Variants in IRAK2 observed in about 807,000 individuals in gnomAD.
The protein encoded by IRAK2 is interleukin-1 receptor-associated kinase-like 2.
A neutral mutation model predicts 72.0 loss-of-function variants in IRAK2; 57 were observed. The observed-to-expected ratio is 0.79, with a 90% CI of 0.64 to 0.99. IRAK2 has a LOEUF of 0.99. Ranked by LOEUF, IRAK2 falls within the 50% of genes least tolerant of loss-of-function variation. The probability of loss-of-function intolerance (pLI) is 0.00; values close to 1 mark genes in which losing one functional copy is unlikely to be tolerated. For missense variants in IRAK2, 790 were observed against 794.4 expected (o/e 0.99, Z 0.07); for synonymous variants, 293 against 312.7 (o/e 0.94, Z 0.67).
At chr3:10,208,082 G>A (rs1010154722) in intron 3 of IRAK2, among the ~76,000 whole-genome samples, 1 of 151,384 alleles carries the variant, frequency 6.6e-6, no homozygotes, top group African/African-American at 2.4e-5. Context: ...TAATGAGGCC[G>A]TCTGGTAGGG....
intron 2 of IRAK2, among the ~76,000 whole-genome samples, chr3:10,197,418 A>T (rs1196920861): frequency 2.6e-5 from 4 of 151,794 alleles, no homozygotes; most frequent in African/African-American, 9.7e-5. Context: ...AAAGAAAACT[A>T]AAAGACTCTC....
At chr3:10,184,983 G>C (rs1425554727) in intron 2 of IRAK2, among the ~76,000 whole-genome samples, 5 of 150,436 alleles carry the variant, frequency 3.3e-5, no homozygotes, top group Non-Finnish European at 1.5e-5. Flanking sequence ...CGCCCGCCTT[G>C]GCCTCCCAAA....
chr3:10,195,778 T>A (rs1697253468), intron 2 of IRAK2, among the ~76,000 whole-genome samples: 1 of 152,070 alleles, frequency 6.6e-6, no homozygotes, highest in South Asian at 2.1e-4. Context: ...TGTTGGGAAG[T>A]GACTTCAGCG....
intron 2 of IRAK2, among the ~76,000 whole-genome samples, chr3:10,194,948 GC>G: frequency 6.6e-6 from 1 of 152,236 alleles, no homozygotes; most frequent in Admixed American, 6.5e-5. Flanking sequence ...GTGGATGTTA[GC>G]CCCAAGTGTG....
At chr3:10,222,602 A>T in intron 8 of IRAK2, 34 bp from the exon 9 acceptor site, 1 of 1,583,580 alleles carries the variant, frequency 6.3e-7, no homozygotes, top group Non-Finnish European at 8.7e-7. Context: ...TCCAGCTCAA[A>T]ATGAGAAGGT....
chr3:10,234,343 G>A, intron 10 of IRAK2, 116 bp from the exon 11 acceptor site: 3 of 750,376 alleles, frequency 4.0e-6, no homozygotes, highest in Non-Finnish European at 7.0e-6. Flanking sequence ...TTATTCTTAC[G>A]ATGTCCGGTC....
intron 1 of IRAK2, among the ~76,000 whole-genome samples, chr3:10,177,152 G>A (rs1426354455): frequency 6.6e-6 from 1 of 152,106 alleles, no homozygotes; most frequent in Non-Finnish European, 1.5e-5. Context: ...GCCCAGGCTG[G>A]TCTTGAACTC....
chr3:10,213,358 G>T lies in IRAK2; in HGVS notation c.680G>T (p.Gly227Val). ...GGGACCTTTGCTGACGTCTACAGAG[G>T]GCACAGGCACGGGAAGCCATTCGTC... ...SQGTFADVYR[G>V]HRHGKPFVFK... The change falls in exon 5 of 13, where the codon GGG (glycine) becomes GTG (valine). Residue 227 changes from glycine to valine, a missense_variant. By Grantham distance (109) the Gly-to-Val change is moderately radical (BLOSUM62 -3). Transcript: ENST00000256458. 6.2e-7 allele frequency: 1 copy of T among 1,614,130 alleles called. No homozygotes were observed. Among genetic ancestry groups the T allele is most frequent in the Non-Finnish European group, 8.5e-7 (1 of 1,180,032 alleles).
Position 10,242,329 on chromosome 3 carries a change from A to G in IRAK2, c.*101A>G, listed in dbSNP as rs1698074023. 1.5e-6 allele frequency: 1 copy of G among 646,684 alleles called. No homozygotes were observed. 40.1% of individuals were successfully genotyped at this position (646,684 alleles called of 1,614,324 possible). Reference sequence around the variant, plus strand: ...GAATCCAAGATCTGCCAGGAAACACACAACAAAACATCTGCTGTCCTGGGT... The same window carrying G: ...GAATCCAAGATCTGCCAGGAAACACGCAACAAAACATCTGCTGTCCTGGGT... On this transcript the variant is annotated 3_prime_UTR_variant, in exon 13 of 13. Coordinates refer to ENST00000256458, the MANE Select transcript of IRAK2 (RefSeq NM_001570.4).
At chr3:10,209,824 A>C in intron 4 of IRAK2, 132 bp downstream of exon 4, 1 of 479,014 alleles carries the variant, frequency 2.1e-6, no homozygotes. Context: ...CCATCAAATT[A>C]CCCCAAGCTT....
intron 3 of IRAK2, among the ~76,000 whole-genome samples, chr3:10,203,528 G>C (rs1484499542): frequency 6.6e-6 from 1 of 152,230 alleles, no homozygotes; most frequent in Admixed American, 6.5e-5. Flanking sequence ...GATTTTGGTA[G>C]GAGTGAAGTA....
chr3:10,189,843 C>T (rs927041820), intron 2 of IRAK2, among the ~76,000 whole-genome samples: 7 of 152,100 alleles, frequency 4.6e-5, no homozygotes, highest in African/African-American at 1.2e-4. Context: ...GCCTCCGCCC[C>T]TTTCCAGCTG....
Position 10,242,601 on chromosome 3 carries a change from C to T in IRAK2, c.*373C>T, listed in dbSNP as rs942721003. ...CTCAGCAGCTCTTGTTCCCCCGCCA[C>T]TGGCAGTTCTGCAATGCCATAGCAT... On this transcript the variant is annotated 3_prime_UTR_variant, in exon 13 of 13. Transcript: ENST00000256458. The T allele has an allele frequency of 6.4e-6, 1 of 156,746 alleles. No individual in the cohort carries two copies. The highest frequency in any genetic ancestry group is 2.4e-5 in the African/African-American group (1 of 41,606). The allele number at this position is 156,746 out of a possible 1,614,324, so 9.7% of individuals were successfully genotyped here.
At position 10,242,412 on chromosome 3, in the gene IRAK2, G is replaced by A. The variant is rs1292314949; in HGVS notation, c.*184G>A. Reference sequence around the variant, plus strand: ...GGGAGAGAAAGGCCCTCAGCTTTTAGAGACACAAAAATCCATGAAGTCTCT... The same window carrying A: ...GGGAGAGAAAGGCCCTCAGCTTTTAAAGACACAAAAATCCATGAAGTCTCT... On this transcript the variant is annotated 3_prime_UTR_variant, in exon 13 of 13. Coordinates refer to ENST00000256458, the MANE Select transcript of IRAK2 (RefSeq NM_001570.4). The A allele has an allele frequency of 2.3e-6, 1 of 426,784 alleles. No individual in the cohort carries two copies. The highest frequency in any genetic ancestry group is 3.6e-5 in the East Asian group (1 of 27,466). The allele number at this position is 426,784 out of a possible 1,614,324, so 26.4% of individuals were successfully genotyped here. A position where few individuals can be genotyped will look rare whatever the true frequency, so the allele number is the denominator to read the frequency against.
intron 2 of IRAK2, among the ~76,000 whole-genome samples, chr3:10,196,502 GC>G (rs1228540964): frequency 6.6e-6 from 1 of 152,242 alleles, no homozygotes; most frequent in Non-Finnish European, 1.5e-5. Context: ...TGCAGGCAAG[GC>G]CCTTGTTGGA....
At chr3:10,165,432 G>GGTGTGTGT (rs777397782) in intron 1 of IRAK2, among the ~76,000 whole-genome samples, 1 of 145,624 alleles carries the variant, frequency 6.9e-6, no homozygotes, top group South Asian at 2.3e-4. Context: ...TTCTTGGGGG[G>GGTGTGTGT]GTGTGTGTGT....
At chr3:10,207,296 C>T (rs1054690392) in intron 3 of IRAK2, among the ~76,000 whole-genome samples, 5 of 152,196 alleles carry the variant, frequency 3.3e-5, no homozygotes, top group Admixed American at 2.0e-4. Context: ...TGAGTCATTC[C>T]TTTCCTGATG....
intron 2 of IRAK2, among the ~76,000 whole-genome samples, chr3:10,191,428 C>T (rs1006798688): frequency 1.3e-5 from 2 of 152,260 alleles, no homozygotes; most frequent in East Asian, 1.9e-4. Flanking sequence ...AGTTCCAGGG[C>T]GCTTACAGTA....
intron 2 of IRAK2, among the ~76,000 whole-genome samples, chr3:10,190,335 C>T (rs1697156233): frequency 7.3e-6 from 1 of 136,944 alleles, no homozygotes; most frequent in Non-Finnish European, 1.5e-5. Context: ...GGCTGAAGTG[C>T]AGTGGCATGA....
Sources: gnomAD v4.1 joint callset for allele counts (sites outside exome capture counted in the v4.1 genomes callset) on GRCh38, gnomAD v4.1.1 for gene constraint, MANE v1.5 for transcripts, NCBI Gene and HGNC (gene_info 2026-07-23, HGNC 2026-07-21) for gene names.